Variants in THSD7B observed in about 807,000 individuals in gnomAD.
THSD7B encodes the protein thrombospondin type 1 domain containing 7B.
In THSD7B, 138 loss-of-function variants were observed where a neutral mutation model predicts 213.6. That is an observed-to-expected ratio of 0.65 (90% CI 0.56 to 0.74). The LOEUF (loss-of-function observed/expected upper bound fraction) is 0.74. THSD7B is among the 30% of genes least tolerant of loss of function. THSD7B has a pLI of 0.00. For missense variants in THSD7B, 1,931 were observed against 1,991.5 expected (o/e 0.97, Z 0.58); for synonymous variants, 742 against 687.0 (o/e 1.08, Z -1.25).
Position 137,231,073 on chromosome 2 carries a change from G to A in THSD7B, c.1753G>A (p.Val585Ile), listed in dbSNP as rs149495119. ...AGATGTATCAGGGAGTCTTTGCCCA[G>A]TTCCCCCTCCTCCTGAGAGGAAGTC... is the stretch of plus-strand genomic sequence containing the variant. Reference protein sequence around the residue: ...GEDVSGSLCPVPPPPERKSCE... With the variant: ...GEDVSGSLCPIPPPPERKSCE... The change falls in exon 8 of 28, where the codon GTT becomes ATT. Residue 585 changes from valine to isoleucine, a missense_variant. Physicochemically the swap from Val to Ile is conservative, Grantham distance 29. Coordinates refer to ENST00000409968, the MANE Select transcript of THSD7B (RefSeq NM_001316349.2). 1.5e-5 allele frequency: 25 copies of A among 1,613,630 alleles called. No individual in the cohort carries two copies. In the East Asian group the frequency reaches 5.3e-4, roughly 35 times the overall value.
intron 2 of THSD7B, among the ~76,000 whole-genome samples, chr2:137,024,746 G>A (rs1379328623): frequency 6.6e-6 from 1 of 152,038 alleles, no homozygotes; most frequent in African/African-American, 2.4e-5. Flanking sequence ...TTAATATTCT[G>A]TTAGTTTTCT....
intron 12 of THSD7B, among the ~76,000 whole-genome samples, chr2:137,392,799 A>C (rs1453418634): frequency 6.6e-6 from 1 of 152,128 alleles, no homozygotes; most frequent in Non-Finnish European, 1.5e-5. Context: ...TAATACTTAC[A>C]TGTGAGGTTT....
At chr2:137,115,058 G>A in intron 4 of THSD7B, 66 bp from the exon 5 acceptor site, 1 of 1,587,908 alleles carries the variant, frequency 6.3e-7, no homozygotes, top group Non-Finnish European at 8.6e-7. Context: ...CATGACTTAA[G>A]TTTTCCTCAG....
chr2:137,482,187 C>CAA lies in THSD7B; in HGVS notation c.3138+31179_3138+31180dup, dbSNP rs5834555. ...AGAGCAAGACTCCGGCCCTCCCCAC[C>CAA]AAAAAAAAAAAAAAAAGGGTTTAGC... On this transcript the variant is annotated intron_variant, in intron 15 of 27. Transcript: ENST00000409968. 7.3e-3 allele frequency among the ~76,000 whole-genome samples: 964 copies of CAA among 132,616 alleles called. 10 individuals are homozygous for CAA. The highest frequency in any genetic ancestry group is 0.024 in the African/African-American group (838 of 35,336). The allele number at this position is 132,616 out of a possible 152,430, so 87.0% of individuals were successfully genotyped here. A position where few individuals can be genotyped will look rare whatever the true frequency, so the allele number is the denominator to read the frequency against.
intron 3 of THSD7B, among the ~76,000 whole-genome samples, chr2:137,070,034 A>G (rs1422343218): frequency 6.6e-6 from 1 of 151,702 alleles, no homozygotes; most frequent in Non-Finnish European, 1.5e-5. Flanking sequence ...TTTTGTACAT[A>G]TTGAACATTA....
chr2:136,901,249 A>T lies in THSD7B; in HGVS notation c.139+18932A>T, dbSNP rs552313418. Among the ~76,000 whole-genome samples, 8 of 152,380 alleles carry T rather than the reference A, an allele frequency of 5.3e-5. No individual in the cohort carries two copies. In the East Asian group the frequency reaches 1.3e-3, roughly 26 times the overall value. The stretch of plus-strand genomic sequence containing the variant: ...TGTGAGAGTTACAAAGCAAAGCAAG[A>T]CATAGCTACTGTTTCCAAGTCGGAG... On this transcript the variant is annotated intron_variant, in intron 2 of 27. Transcript: ENST00000409968.
At chr2:136,892,004 C>T (rs529707313) in intron 2 of THSD7B, among the ~76,000 whole-genome samples, 23 of 152,054 alleles carry the variant, frequency 1.5e-4, no homozygotes, top group Non-Finnish European at 2.4e-4. Context: ...ACTTAACTAG[C>T]TGGGGTTGGA....
Position 137,272,637 on chromosome 2 carries a change from G to C in THSD7B, c.2371G>C (p.Asp791His). Residue 791 changes from aspartate to histidine, a missense_variant, in exon 11 of 28, where the codon GAT (aspartate) becomes CAT (histidine). By Grantham distance (81) the Asp-to-His change is moderately conservative. Transcript: ENST00000409968. The stretch of plus-strand genomic sequence containing the variant: ...CTTATATGAGGAGAGAGAGTGTGAA[G>C]ATGTTTCCTTGTGTCCTGTATATCG... ...DTLYEERECE[D>H]VSLCPVYRWK... The C allele has an allele frequency of 6.2e-7, 1 of 1,611,998 alleles. No individual in the cohort carries two copies. The highest frequency in any genetic ancestry group is 8.5e-7 in the Non-Finnish European group (1 of 1,178,896).
intron 1 of THSD7B, among the ~76,000 whole-genome samples, chr2:136,786,378 A>G (rs1379619899): frequency 1.3e-5 from 2 of 152,050 alleles, no homozygotes; most frequent in East Asian, 3.9e-4. Context: ...CAGCATCCCA[A>G]AGAGGACCAT....
chr2:137,437,097 C>G (rs1452116494), intron 14 of THSD7B, among the ~76,000 whole-genome samples: 3 of 152,014 alleles, frequency 2.0e-5, no homozygotes, highest in African/African-American at 7.2e-5. Context: ...AAGATTTTAT[C>G]TCATCTTTTT....
Position 137,405,693 on chromosome 2 carries a change from G to A in THSD7B, c.2581G>A (p.Val861Met). 3 of 1,613,656 alleles carry A rather than the reference G, an allele frequency of 1.9e-6. No homozygotes were observed. Among genetic ancestry groups the A allele is most frequent in the Non-Finnish European group, 1.7e-6 (2 of 1,179,816 alleles). Residue 861 changes from valine to methionine, a missense_variant, in exon 13 of 28, where the codon GTG (valine) becomes ATG (methionine). Coordinates refer to ENST00000409968, the MANE Select transcript of THSD7B (RefSeq NM_001316349.2). ...LKQTNGMPLL[V>M]QECTVPCRED... is the part of the protein sequence containing the mutation. The stretch of plus-strand genomic sequence containing the variant: ...GCAGACAAACGGCATGCCTCTCCTT[G>A]TGCAAGAATGCACAGTCCCATGTCG...
At chr2:137,643,274 T>C (rs1294058456) in intron 21 of THSD7B, among the ~76,000 whole-genome samples, 1 of 152,240 alleles carries the variant, frequency 6.6e-6, no homozygotes, top group Non-Finnish European at 1.5e-5. Flanking sequence ...ACATTGTTTT[T>C]CCCTATTTTC....
chr2:136,795,909 C>T (rs2104917927), intron 1 of THSD7B, among the ~76,000 whole-genome samples: 1 of 151,880 alleles, frequency 6.6e-6, no homozygotes, highest in East Asian at 1.9e-4. Context: ...TTTTTTAAGT[C>T]CTTGGATGTT....
chr2:137,396,064 A>G (rs1309953501), intron 12 of THSD7B, among the ~76,000 whole-genome samples: 1 of 150,352 alleles, frequency 6.7e-6, no homozygotes, highest in African/African-American at 2.5e-5. Context: ...CTTTTTCTTT[A>G]TTAGTCTTGC....
At chr2:137,019,098 A>T (rs1000655028) in intron 2 of THSD7B, among the ~76,000 whole-genome samples, 1 of 152,090 alleles carries the variant, frequency 6.6e-6, no homozygotes, top group Non-Finnish European at 1.5e-5. Context: ...TATTTGCATC[A>T]CAATTGCCAT....
chr2:137,112,561 G>C (rs990154528), intron 4 of THSD7B, among the ~76,000 whole-genome samples: 13 of 151,942 alleles, frequency 8.6e-5, no homozygotes, highest in Non-Finnish European at 1.9e-4. Context: ...TTTCTTGTAG[G>C]GTCATGTTAA....
At chr2:137,032,039 C>A (rs1686684357) in intron 2 of THSD7B, among the ~76,000 whole-genome samples, 1 of 151,988 alleles carries the variant, frequency 6.6e-6, no homozygotes, top group African/African-American at 2.4e-5. Flanking sequence ...CGAGATTTCG[C>A]CATGTTACCC....
rs1454188783 is a variant in THSD7B at position 137,394,429 on chromosome 2, C to T, written c.2501-11184C>T. On this transcript the variant is annotated intron_variant, in intron 12 of 27. Transcript: ENST00000409968. Reference sequence around the variant, plus strand: ...TTTATTAAATAGGGAATCCTTTCCCCATTGCTTGTTTTTCTCAGGTTTGTC... The same window carrying T: ...TTTATTAAATAGGGAATCCTTTCCCTATTGCTTGTTTTTCTCAGGTTTGTC... 3.0e-4 allele frequency among the ~76,000 whole-genome samples: 41 copies of T among 138,684 alleles called. 8 individuals carry two copies. Among genetic ancestry groups the T allele is most frequent in the Admixed American group, 2.9e-3 (41 of 13,988 alleles). 91.0% of individuals were successfully genotyped at this position (138,684 alleles called of 152,430 possible).
At chr2:136,931,189 A>G (rs1052416262) in intron 2 of THSD7B, among the ~76,000 whole-genome samples, 1 of 152,180 alleles carries the variant, frequency 6.6e-6, no homozygotes, top group African/African-American at 2.4e-5. Context: ...AGGTCAGATC[A>G]ATGACAAGTA....
Sources: allele counts gnomAD v4.1 joint callset (sites outside exome capture counted in the v4.1 genomes callset), GRCh38; gene constraint gnomAD v4.1.1; transcripts MANE v1.5; gene names NCBI Gene and HGNC (gene_info 2026-07-23, HGNC 2026-07-21).